The following KIDINS220 variants were observed in gnomAD, a reference collection of about 807,000 sequenced individuals.
KIDINS220 encodes the protein kinase D-interacting substrate of 220 kDa.
KIDINS220 carries 63 observed loss-of-function variants against 157.6 expected under a neutral mutation model. That is an observed-to-expected ratio of 0.40 (90% CI 0.33 to 0.49). KIDINS220 has a LOEUF of 0.49. Ranked by LOEUF, KIDINS220 falls within the 20% of genes least tolerant of loss-of-function variation. The probability of loss-of-function intolerance (pLI) is 0.66; values close to 1 mark genes in which losing one functional copy is unlikely to be tolerated. For missense variants in KIDINS220, 1,772 were observed against 2,171.2 expected (o/e 0.82, Z 3.65); for synonymous variants, 732 against 783.6 (o/e 0.93, Z 1.10).
Position 8,750,179 on chromosome 2 carries a change from A to G in KIDINS220, c.3347T>C (p.Val1116Ala). ...ATAGCTGCTGTGAGGCTGTGGTGAC[A>G]CCACTCCACCTGCGAAGGGCCCATT... is the stretch of plus-strand genomic sequence containing the variant. ...SFNGPFAGGV[V>A]SPQPHSSYYS... The change falls in exon 24 of 30, where the codon GTG becomes GCG. Residue 1116 changes from valine to alanine, a missense_variant. Physicochemically the swap from Val to Ala is moderately conservative, Grantham distance 64. Transcript: ENST00000256707. The G allele has an allele frequency of 1.9e-6, 3 of 1,614,176 alleles. No individual in the cohort carries two copies. The highest frequency in any genetic ancestry group is 2.5e-6 in the Non-Finnish European group (3 of 1,180,034).
At chr2:8,804,443 T>C (rs1003721326) in intron 7 of KIDINS220, among the ~76,000 whole-genome samples, 38 of 152,206 alleles carry the variant, frequency 2.5e-4, no homozygotes, top group African/African-American at 8.7e-4. Context: ...ATATCAGGCT[T>C]CTTCACCTCT....
At chr2:8,740,520 C>T (rs764833218) in intron 26 of KIDINS220, among the ~76,000 whole-genome samples, 22 of 152,184 alleles carry the variant, frequency 1.4e-4, no homozygotes, top group South Asian at 6.2e-4. Context: ...AGTCAATATT[C>T]GTAATATATG....
intron 26 of KIDINS220, chr2:8,746,828 A>T (rs1040531933): frequency 3.6e-6 from 1 of 281,478 alleles, no homozygotes; most frequent in Non-Finnish European, 6.7e-6. Flanking sequence ...TAGAGCTCAC[A>T]CTGAGGAGCA....
chr2:8,731,364 G>C lies in KIDINS220; in HGVS notation c.4672C>G (p.His1558Asp), dbSNP rs766678072. The change falls in exon 30 of 30, where the codon CAC (histidine) becomes GAC (aspartate). Residue 1558 changes from histidine (H) to aspartate (D), a missense_variant. This residue lies in a region of KIDINS220 where 793 missense variants were observed against 885.5 expected (regional missense o/e 0.90). Coordinates refer to ENST00000256707, the MANE Select transcript of KIDINS220 (RefSeq NM_020738.4). This position sits in a 1 kb window ranked among gnomAD's most constrained non-coding sequence, Gnocchi z 5.2. ...KVERVPKSPE[H>D]SAEPIRTFIK... ...AAGGTTCTGATCGGCTCAGCACTGT[G>C]TTCTGGAGACTTCGGCACTCTCTCT... The C allele has an allele frequency of 3.7e-6, 6 of 1,614,222 alleles. No homozygotes were observed. Among genetic ancestry groups the C allele is most frequent in the Non-Finnish European group, 5.1e-6 (6 of 1,180,036 alleles).
chr2:8,790,123 A>C, intron 13 of KIDINS220, 64 bp from the exon 14 acceptor site: 3 of 1,431,006 alleles, frequency 2.1e-6, no homozygotes, highest in Non-Finnish European at 1.9e-6. Flanking sequence ...CTTTTAACTC[A>C]ATATGCAGTT....
At chr2:8,726,743 A>C (rs1192094212), downstream of KIDINS220, 7 of 393,154 alleles carry the variant, frequency 1.8e-5, no homozygotes, top group East Asian at 1.4e-4. Flanking sequence ...TGCTATCTGC[A>C]TGTCTAAACA....
rs75779828 is a variant in KIDINS220, at chr2:8,730,274, G to A, written c.*446C>T. The A allele has an allele frequency of 5.4e-4, 544 of 998,178 alleles. 7 individuals carry two copies. In the African/African-American group the frequency reaches 8.7e-3, roughly 16 times the overall value. The allele number at this position is 998,178 out of a possible 1,614,324, so 61.8% of individuals were successfully genotyped here. ...GCGTCACAGGCTGTGCACTCACCTAGGTGAGCCCCTAAGAGCAGGGTTTGC... is the reference window on the plus strand; with the variant it reads ...GCGTCACAGGCTGTGCACTCACCTAAGTGAGCCCCTAAGAGCAGGGTTTGC... On this transcript the variant is annotated 3_prime_UTR_variant, in exon 30 of 30. Transcript: ENST00000256707.
At chr2:8,822,755 A>T (rs148054375) in intron 2 of KIDINS220, among the ~76,000 whole-genome samples, 1 of 152,360 alleles carries the variant, frequency 6.6e-6, no homozygotes, top group African/African-American at 2.4e-5. Context: ...TACCAAGGAC[A>T]GCTGACAGTG....
At chr2:8,759,881 C>T (rs1044067447) in intron 22 of KIDINS220, among the ~76,000 whole-genome samples, 11 of 152,276 alleles carry the variant, frequency 7.2e-5, no homozygotes, top group South Asian at 6.2e-4. Flanking sequence ...TCTAACTTCT[C>T]TCTCTGCATC....
chr2:8,778,619 C>G lies in KIDINS220; in HGVS notation c.2703+20G>C, dbSNP rs764670502. 6.6e-7 allele frequency: 1 copy of G among 1,524,766 alleles called. No individual in the cohort carries two copies. Among genetic ancestry groups the G allele is most frequent in the Non-Finnish European group, 9.1e-7 (1 of 1,098,674 alleles). The allele number at this position is 1,524,766 out of a possible 1,614,324, so 94.5% of individuals were successfully genotyped here. ...TGAATAGCAATACAAACATACAGCT[C>G]GAAGCCAATGGCATCTTACCCGTCT... On this transcript the variant is annotated intron_variant, in intron 20 of 29. Coordinates refer to ENST00000256707, the MANE Select transcript of KIDINS220 (RefSeq NM_020738.4).
At chr2:8,762,913 T>C (rs1572549461) in intron 22 of KIDINS220, among the ~76,000 whole-genome samples, 1 of 152,188 alleles carries the variant, frequency 6.6e-6, no homozygotes, top group Non-Finnish European at 1.5e-5. Context: ...ACACAAAACC[T>C]AGCACAGTTA....
In KIDINS220 at chr2:8,751,703, T is replaced by C. The variant is rs140698636; in HGVS notation, c.3012-59A>G. 2.3e-4 allele frequency: 278 copies of C among 1,202,304 alleles called. No individual in the cohort carries two copies. The East Asian group carries it at 5.1e-3, about 22-fold the overall frequency. The allele number at this position is 1,202,304 out of a possible 1,614,324, so 74.5% of individuals were successfully genotyped here. ...ATGTCACTATTAGAAAGGTAAATTC[T>C]GCATGTCACCTGAAGTTACTTATAC... On this transcript the variant is annotated intron_variant, in intron 22 of 29. Transcript: ENST00000256707.
chr2:8,817,366 T>G (rs1034902020), intron 4 of KIDINS220, among the ~76,000 whole-genome samples: 3 of 152,172 alleles, frequency 2.0e-5, no homozygotes, highest in African/African-American at 7.2e-5. Context: ...TAAAGAGTAA[T>G]GAGTTATTTG....
intron 2 of KIDINS220, among the ~76,000 whole-genome samples, chr2:8,820,612 G>A (rs532555281): frequency 3.0e-4 from 46 of 152,140 alleles, no homozygotes; most frequent in South Asian, 4.1e-4. Context: ...TAAATTATAC[G>A]TGGTAGCCAC....
At chr2:8,794,168 C>G in intron 11 of KIDINS220, 181 bp from the exon 12 acceptor site, 1 of 456,814 alleles carries the variant, frequency 2.2e-6, no homozygotes, top group South Asian at 3.8e-5. Context: ...TGTAGCTCCT[C>G]ATCCAGCTTT....
intron 26 of KIDINS220, among the ~76,000 whole-genome samples, chr2:8,737,975 T>C (rs529933459): frequency 1.3e-5 from 2 of 152,356 alleles, no homozygotes; most frequent in South Asian, 4.1e-4. Context: ...TTTCTTCTTA[T>C]TGCTGAGTCA....
At chr2:8,818,025 A>G (rs1677339192) in intron 3 of KIDINS220, among the ~76,000 whole-genome samples, 1 of 152,162 alleles carries the variant, frequency 6.6e-6, no homozygotes, top group Admixed American at 6.5e-5. Flanking sequence ...GCTAATCCTC[A>G]TGGCTAGCCA....
chr2:8,818,441 T>C (rs761285864), intron 3 of KIDINS220, among the ~76,000 whole-genome samples: 1 of 152,150 alleles, frequency 6.6e-6, no homozygotes, highest in Non-Finnish European at 1.5e-5. Context: ...TAGGTAGATA[T>C]TTAACTATAT....
intron 11 of KIDINS220, among the ~76,000 whole-genome samples, chr2:8,795,493 GT>G (rs1673791510): frequency 6.6e-6 from 1 of 152,162 alleles, no homozygotes; most frequent in Admixed American, 6.5e-5. Context: ...TTTTAAAATT[GT>G]TTTTATGAAA....
Sources: allele counts gnomAD v4.1 joint callset (sites outside exome capture counted in the v4.1 genomes callset), GRCh38; gene constraint gnomAD v4.1.1; regional missense constraint gnomAD v4.1.1; non-coding constraint Gnocchi (gnomAD v3.1); transcripts MANE v1.5; gene names NCBI Gene and HGNC (gene_info 2026-07-23, HGNC 2026-07-21).